Variants in FLII observed in about 807,000 individuals in gnomAD.
FLII encodes protein flightless-1 homolog.
In FLII, 101 loss-of-function variants were observed where a neutral mutation model predicts 156.2. The observed-to-expected ratio is 0.65, with a 90% confidence interval of 0.55 to 0.76. The LOEUF (loss-of-function observed/expected upper bound fraction) is 0.76. Ranked by LOEUF, FLII falls within the 30% of genes least tolerant of loss-of-function variation. The pLI is 0.00. For missense variants in FLII, 1,675 were observed against 1,682.8 expected (o/e 1.00, Z 0.08); for synonymous variants, 767 against 685.8 (o/e 1.12, Z -1.85).
In FLII at chr17:18,256,533, G is replaced by A. The variant is rs567943199; in HGVS notation, c.239C>T (p.Ser80Leu). 227 of 1,551,520 alleles carry A rather than the reference G, an allele frequency of 1.5e-4. 5 individuals are homozygous for A. The South Asian group carries it at 2.3e-3, about 15-fold the overall frequency. Residue 80 changes from serine to leucine, a missense_variant, in exon 3 of 30, where the codon TCG (serine) becomes TTG (leucine). Physicochemically the swap from Ser to Leu is moderately radical, Grantham distance 145. Coordinates refer to ENST00000327031, the MANE Select transcript of FLII (RefSeq NM_002018.4). ...CTCCCGGCCAGCACTCACGCGCAGC[G>A]ATGGCAGGCTGGACAGCTCCCCATG... ...TLHGELSSLP[S>L]LRAIVARANS... is the part of the protein sequence containing the mutation.
chr17:18,255,792 TC>T (rs2048399655), intron 3 of FLII, among the ~76,000 whole-genome samples: 1 of 152,206 alleles, frequency 6.6e-6, no homozygotes, highest in African/African-American at 2.4e-5. Context: ...ACTTCTCCAG[TC>T]TGAATGCCTG....
chr17:18,244,981 C>T lies in FLII; in HGVS notation c.*157G>A. ...TTCCCAGACCCCTGAGGGCACCTGT[C>T]AGGGTCATCCCCATTGGTGCTGCTT... On this transcript the variant is annotated 3_prime_UTR_variant, in exon 30 of 30. Transcript: ENST00000327031. The T allele has an allele frequency of 2.5e-6, 2 of 804,402 alleles. No individual in the cohort carries two copies. Among genetic ancestry groups the T allele is most frequent in the Non-Finnish European group, 4.0e-6 (2 of 501,016 alleles). The allele number at this position is 804,402 out of a possible 1,614,324, so 49.8% of individuals were successfully genotyped here.
chr17:18,245,829 G>T lies in FLII; in HGVS notation c.3418C>A (p.Pro1140Thr). Residue 1140 changes from proline (P) to threonine (T), a missense_variant, in exon 27 of 30, where the codon CCT (proline) becomes ACT (threonine). Physicochemically the swap from Pro to Thr is conservative, Grantham distance 38. Coordinates refer to ENST00000327031, the MANE Select transcript of FLII (RefSeq NM_002018.4). ...ATGCCCACCCAGAAGAAGTTCTCAGGCTCCTCACCTTCGTTGATAACCTGC... is the reference window on the plus strand; with the variant it reads ...ATGCCCACCCAGAAGAAGTTCTCAGTCTCCTCACCTTCGTTGATAACCTGC... ...SKQVINEGEE[P>T]ENFFWVGIGA... 4 of 1,613,940 alleles carry T rather than the reference G, an allele frequency of 2.5e-6. No individual in the cohort carries two copies. The highest frequency in any genetic ancestry group is 3.4e-6 in the Non-Finnish European group (4 of 1,179,978).
chr17:18,254,509 G>A lies in FLII; in HGVS notation c.575+12C>T. ...TGGCTTCTGCAGGAGTGCGGTCCGA[G>A]GGGGCGCCCACCGGAGCTGTGCATG... On this transcript the variant is annotated intron_variant, in intron 6 of 29. Transcript: ENST00000327031. 6.2e-7 allele frequency: 1 copy of A among 1,601,918 alleles called. No individual in the cohort carries two copies. The highest frequency in any genetic ancestry group is 8.5e-7 in the Non-Finnish European group (1 of 1,175,750).
intron 5 of FLII, 35 bp downstream of exon 5, chr17:18,254,734 G>C (rs2048367324): frequency 6.2e-7 from 1 of 1,613,768 alleles, no homozygotes; most frequent in African/African-American, 1.3e-5. Context: ...ACCCCACAGG[G>C]CCCACCTGCC....
upstream of FLII, chr17:18,258,876 C>T: frequency 3.3e-6 from 1 of 305,132 alleles, no homozygotes; most frequent in Non-Finnish European, 5.8e-6. The surrounding 1 kb of genome is among the most constrained non-coding windows in gnomAD (Gnocchi z 4.2). Flanking sequence ...TCGAAGACTG[C>T]GGAGGCACCA....
Position 18,246,622 on chromosome 17 carries a change from A to T in FLII, c.3023T>A (p.Phe1008Tyr). 1 of 1,613,944 alleles carries T rather than the reference A, an allele frequency of 6.2e-7. No homozygotes were observed. The highest frequency in any genetic ancestry group is 8.5e-7 in the Non-Finnish European group (1 of 1,179,924). Reference protein sequence around the residue: ...LTFTFSLQKKFESLFPGKLEV... With the variant: ...LTFTFSLQKKYESLFPGKLEV... ...CAGCTTCCCAGGGAAGAGGCTCTCG[A>T]ACTTCTTTTGCAGGCTGAAGGTGAA... Residue 1008 changes from phenylalanine to tyrosine, a missense_variant, in exon 23 of 30, where the codon TTC becomes TAC. By Grantham distance (22) the Phe-to-Tyr change is conservative (BLOSUM62 3). This residue lies in a region of FLII where 1,332 missense variants were observed against 1,269.3 expected (regional missense o/e 1.05). Coordinates refer to ENST00000327031, the MANE Select transcript of FLII (RefSeq NM_002018.4).
Position 18,245,771 on chromosome 17 carries a change from T to C in FLII, c.3476A>G (p.Glu1159Gly). ...GAAGAGACGTGTGTGTTTCATGTAC[T>C]CGGCATCGTCATCATAGGGCTTCTG... ...GAQKPYDDDAEYMKHTRLFRC... is the reference protein window; with the variant it reads ...GAQKPYDDDAGYMKHTRLFRC... The change falls in exon 27 of 30, where the codon GAG (glutamate) becomes GGG (glycine). Residue 1159 changes from glutamate (E) to glycine (G), a missense_variant. Glu to Gly is a moderately conservative substitution (Grantham distance 98). Transcript: ENST00000327031. The C allele has an allele frequency of 6.2e-7, 1 of 1,614,006 alleles. No homozygotes were observed. The highest frequency in any genetic ancestry group is 1.1e-5 in the South Asian group (1 of 91,064).
rs926627650 is a variant in FLII, at chr17:18,251,765, C to A, written c.1298G>T (p.Arg433Leu). 1.2e-6 allele frequency: 2 copies of A among 1,613,924 alleles called. No individual in the cohort carries two copies. The highest frequency in any genetic ancestry group is 2.2e-5 in the South Asian group (2 of 91,088). The change falls in exon 12 of 30, where the codon CGC (arginine) becomes CTC (leucine). Residue 433 changes from arginine to leucine, a missense_variant. By Grantham distance (102) the Arg-to-Leu change is moderately radical. This residue lies in a region of FLII where 1,332 missense variants were observed against 1,269.3 expected (regional missense o/e 1.05). Transcript: ENST00000327031. ...CTGGTCATCCTGGGCTGAATCCTTG[C>A]GCCTCCGCAGTCGCATCTTGCGAGC... is the stretch of plus-strand genomic sequence containing the variant. Reference protein sequence around the residue: ...PMARKMRLRRRKDSAQDDQAK... With the variant: ...PMARKMRLRRLKDSAQDDQAK...
chr17:18,252,594 A>T (rs1350050935), intron 9 of FLII, 38 bp from the exon 10 acceptor site: 4 of 1,563,942 alleles, frequency 2.6e-6, no homozygotes, highest in Non-Finnish European at 3.5e-6. Flanking sequence ...CAGGCAGGTG[A>T]CAGACAAGGG....
In FLII at chr17:18,247,945, A is replaced by G. The variant is rs201416897; in HGVS notation, c.2279T>C (p.Met760Thr). ...ATCTCTTACCAGCCGCATTCTTGGC[A>G]TCAGCTCCACCTTGGGACGCTGCTT... ...EHKQRPKVEL[M>T]PRMRLLQSLL... Residue 760 changes from methionine (M) to threonine (T), a missense_variant, in exon 19 of 30, where the codon ATG becomes ACG. Met to Thr is a moderately conservative substitution (Grantham distance 81, BLOSUM62 -1). Around this residue, in one of 2 missense-constraint regions of FLII, gnomAD observed 1,332 missense variants for 1,269.3 expected, o/e 1.05. Transcript: ENST00000327031. The G allele has an allele frequency of 8.5e-5, 137 of 1,614,010 alleles. No individual in the cohort carries two copies. Among genetic ancestry groups the G allele is most frequent in the Non-Finnish European group, 1.1e-4 (130 of 1,179,964 alleles).
chr17:18,249,982 G>A (rs964464506), intron 14 of FLII, among the ~76,000 whole-genome samples: 35 of 151,786 alleles, frequency 2.3e-4, no homozygotes, highest in Non-Finnish European at 4.4e-4. Context: ...TTAGCTAGGC[G>A]TGGTAGCACA....
chr17:18,254,464 C>G, intron 6 of FLII, 57 bp downstream of exon 6: 1 of 1,518,404 alleles, frequency 6.6e-7, no homozygotes, highest in Non-Finnish European at 8.8e-7. Context: ...AGTGAAGGGG[C>G]CCGGCCAGAC....
In FLII at chr17:18,245,025, G is replaced by C. The variant is rs1177725150; in HGVS notation, c.*113C>G. 1 of 1,187,962 alleles carries C rather than the reference G, an allele frequency of 8.4e-7. No homozygotes were observed. The highest frequency in any genetic ancestry group is 2.4e-5 in the East Asian group (1 of 42,510). 73.6% of individuals were successfully genotyped at this position (1,187,962 alleles called of 1,614,324 possible). On this transcript the variant is annotated 3_prime_UTR_variant, in exon 30 of 30. Transcript: ENST00000327031. ...GCTGCTTGAGGCTACTGGGGACTGT[G>C]GCACTGGACGTGGCTGGAGCAGGTG... is the stretch of plus-strand genomic sequence containing the variant.
At chr17:18,252,323 C>A in intron 10 of FLII, 149 bp downstream of exon 10, 1 of 886,350 alleles carries the variant, frequency 1.1e-6, no homozygotes, top group Non-Finnish European at 1.8e-6. Context: ...GGAATGTACT[C>A]TGGATGCAGG....
At chr17:18,252,285 G>C in intron 10 of FLII, 139 bp from the exon 11 acceptor site, 1 of 922,272 alleles carries the variant, frequency 1.1e-6, no homozygotes, top group South Asian at 1.5e-5. Context: ...CCACCTCTGG[G>C]GCTGGCTGGG....
Position 18,246,603 on chromosome 17 carries a change from C to T in FLII, c.3042G>A (p.Gly1014=). ...GGGCTGCCAGGCACACCTCCAGCTT[C>T]CCAGGGAAGAGGCTCTCGAACTTCT... ...LQKKFESLFP[G]KLEVVRMTQQ... The change falls in exon 23 of 30, where the codon GGG becomes GGA. Residue 1014 remains glycine (G), a synonymous_variant. Transcript: ENST00000327031. The T allele has an allele frequency of 1.9e-6, 3 of 1,614,004 alleles. No individual in the cohort carries two copies. The highest frequency in any genetic ancestry group is 2.5e-6 in the Non-Finnish European group (3 of 1,179,934).
chr17:18,258,103 G>A lies in FLII; in HGVS notation c.63+525C>T, dbSNP rs950389217. Among the ~76,000 whole-genome samples the A allele has an allele frequency of 3.3e-5, 5 of 152,246 alleles. No individual in the cohort carries two copies. The highest frequency in any genetic ancestry group is 7.3e-5 in the Non-Finnish European group (5 of 68,046). On this transcript the variant is annotated intron_variant, in intron 1 of 29. Transcript: ENST00000327031. This position sits in a 1 kb window ranked among gnomAD's most constrained non-coding sequence, Gnocchi z 4.2. ...CACTATACTCCTTGCGTCCAAGGAG[G>A]AGACTTTTAAGCCCCTTCACCGGCT...
chr17:18,251,524 A>G (rs748303210), intron 12 of FLII, 47 bp from the exon 13 acceptor site: 13 of 1,572,956 alleles, frequency 8.3e-6, no homozygotes, highest in Non-Finnish European at 1.1e-5. Flanking sequence ...GAAGCCACTC[A>G]GGCCAGTCTT....
Sources: allele counts gnomAD v4.1 joint callset (sites outside exome capture counted in the v4.1 genomes callset), GRCh38; gene constraint gnomAD v4.1.1; regional missense constraint gnomAD v4.1.1; non-coding constraint Gnocchi (gnomAD v3.1); transcripts MANE v1.5; gene names NCBI Gene and HGNC (gene_info 2026-07-23, HGNC 2026-07-21).